Variants in NTRK3 observed in about 807,000 individuals in gnomAD.
NTRK3 encodes NT-3 growth factor receptor.
In NTRK3, 24 loss-of-function variants were observed where a neutral mutation model predicts 91.7. The observed-to-expected ratio is 0.26, with a 90% CI of 0.19 to 0.37. The LOEUF (loss-of-function observed/expected upper bound fraction) is 0.37, where lower values mean the gene tolerates loss of function less well. Ranked by LOEUF, NTRK3 falls within the 10% of genes least tolerant of loss-of-function variation. The pLI, the probability that NTRK3 is intolerant of heterozygous loss-of-function variation, is 1.00. For missense variants in NTRK3, 880 were observed against 1,068.9 expected (o/e 0.82, Z 2.46); for synonymous variants, 483 against 404.0 (o/e 1.20, Z -2.34).
At chr15:88,110,679 G>A (rs1334651110) in intron 13 of NTRK3, among the ~76,000 whole-genome samples, 7 of 152,192 alleles carry the variant, frequency 4.6e-5, no homozygotes, top group African/African-American at 1.7e-4. Flanking sequence ...TGCTACAGAG[G>A]GAAGGTGCAT....
At chr15:87,952,598 A>G (rs1441354022) in intron 14 of NTRK3, among the ~76,000 whole-genome samples, 1 of 152,166 alleles carries the variant, frequency 6.6e-6, no homozygotes, top group Non-Finnish European at 1.5e-5. Context: ...ACACAAAGTT[A>G]TCTTGGCCGC....
At chr15:88,023,289 TA>T (rs2077742505) in intron 14 of NTRK3, among the ~76,000 whole-genome samples, 1 of 152,196 alleles carries the variant, frequency 6.6e-6, no homozygotes, top group South Asian at 2.1e-4. Context: ...AAAGAAAGAA[TA>T]CTAGTAATGT....
intron 17 of NTRK3, among the ~76,000 whole-genome samples, chr15:87,914,849 A>C (rs945504687): frequency 6.6e-6 from 1 of 152,236 alleles, no homozygotes; most frequent in African/African-American, 2.4e-5. Context: ...GATGATTGGC[A>C]GAGTTGGAGA....
At chr15:88,010,585 T>C (rs2076808409) in intron 14 of NTRK3, among the ~76,000 whole-genome samples, 1 of 152,242 alleles carries the variant, frequency 6.6e-6, no homozygotes, top group Admixed American at 6.5e-5. Flanking sequence ...GATATTTATA[T>C]ATTACTAACA....
intron 13 of NTRK3, among the ~76,000 whole-genome samples, chr15:88,060,474 G>T (rs1049309784): frequency 2.0e-5 from 3 of 152,062 alleles, no homozygotes; most frequent in African/African-American, 7.2e-5. Context: ...AAAGTCCCCA[G>T]GGAAACAGGA....
At chr15:87,931,363 G>T in intron 16 of NTRK3, 1 of 358,806 alleles carries the variant, frequency 2.8e-6, no homozygotes. Context: ...AAGCTACCAT[G>T]GTTCACAATT....
At chr15:88,123,223 G>A (rs561532187) in intron 13 of NTRK3, among the ~76,000 whole-genome samples, 329 of 152,270 alleles carry the variant, frequency 2.2e-3, no homozygotes, top group Non-Finnish European at 4.0e-3. Context: ...ACCCAGTGAG[G>A]GAGGTAGTAT....
intron 17 of NTRK3, among the ~76,000 whole-genome samples, chr15:87,886,877 T>C (rs1288168750): frequency 6.6e-6 from 1 of 151,250 alleles, no homozygotes; most frequent in Non-Finnish European, 1.5e-5. Context: ...TTAAGTTCTA[T>C]TTATCAAAAA....
intron 13 of NTRK3, among the ~76,000 whole-genome samples, chr15:88,067,492 G>C (rs188902869): frequency 1.3e-5 from 2 of 152,258 alleles, no homozygotes; most frequent in African/African-American, 4.8e-5. Context: ...AGGGGGATGG[G>C]TTTTGCCTGC....
At chr15:88,165,985 G>T (rs2044901933) in intron 5 of NTRK3, among the ~76,000 whole-genome samples, 1 of 152,098 alleles carries the variant, frequency 6.6e-6, no homozygotes, top group African/African-American at 2.4e-5. Flanking sequence ...TCATCCTAGG[G>T]GACAAACCCA....
chr15:88,006,092 T>A (rs545425331), intron 14 of NTRK3, among the ~76,000 whole-genome samples: 4 of 152,284 alleles, frequency 2.6e-5, no homozygotes, highest in Admixed American at 1.3e-4. Flanking sequence ...TCTGTAGCTG[T>A]CAAAATAGCC....
chr15:88,094,088 T>C (rs2049312061), intron 13 of NTRK3, among the ~76,000 whole-genome samples: 2 of 152,142 alleles, frequency 1.3e-5, no homozygotes, highest in Non-Finnish European at 2.9e-5. Flanking sequence ...GTGTGGCTCC[T>C]TGGCAAGTCT....
rs563037501 is a variant in NTRK3, at chr15:88,088,809, T to C, written c.1396+37462A>G. ...CCCTATAGCTGGGAATGGTTAAGAA[T>C]GAAGGTATTACACAGGGCTCATTCC... On this transcript the variant is annotated intron_variant, in intron 13 of 18. Coordinates refer to ENST00000394480, the Ensembl canonical transcript of NTRK3. 9.9e-5 allele frequency among the ~76,000 whole-genome samples: 15 copies of C among 152,248 alleles called. No homozygotes were observed. In the East Asian group the frequency reaches 1.9e-3, roughly 20 times the overall value.
intron 17 of NTRK3, 57 bp from the exon 19 acceptor site, chr15:87,880,485 A>G (rs2065180060): frequency 1.3e-6 from 2 of 1,572,046 alleles, no homozygotes; most frequent in South Asian, 2.3e-5. Flanking sequence ...AATGAGTGTT[A>G]TCTGTCTGCA....
At chr15:88,127,867 T>C (rs1597464836) in intron 11 of NTRK3, among the ~76,000 whole-genome samples, 1 of 152,102 alleles carries the variant, frequency 6.6e-6, no homozygotes, top group East Asian at 1.9e-4. Context: ...AAGCTAAGTA[T>C]CAATTTTCCC....
At chr15:88,058,498 C>G (rs539911436) in intron 13 of NTRK3, among the ~76,000 whole-genome samples, 4 of 152,294 alleles carry the variant, frequency 2.6e-5, no homozygotes, top group Admixed American at 2.6e-4. Context: ...AGGGGAAGTT[C>G]TGTCTGTGGG....
At chr15:87,951,145 C>A (rs2141112352) in intron 14 of NTRK3, among the ~76,000 whole-genome samples, 1 of 152,264 alleles carries the variant, frequency 6.6e-6, no homozygotes, top group Admixed American at 6.5e-5. Context: ...ATCTGGGGTA[C>A]CCGTCCCCAC....
At chr15:87,982,451 C>T (rs1404165709) in intron 14 of NTRK3, among the ~76,000 whole-genome samples, 1 of 151,850 alleles carries the variant, frequency 6.6e-6, no homozygotes, top group Non-Finnish European at 1.5e-5. Flanking sequence ...ACAGACCCCG[C>T]TACATCTGAC....
chr15:88,134,188 T>G (rs1005648126), intron 10 of NTRK3, among the ~76,000 whole-genome samples: 1 of 152,154 alleles, frequency 6.6e-6, no homozygotes, highest in Non-Finnish European at 1.5e-5. Flanking sequence ...CCTAGTCACT[T>G]CCCAAAATGA....
Sources: gnomAD v4.1 joint callset for allele counts (sites outside exome capture counted in the v4.1 genomes callset) on GRCh38, gnomAD v4.1.1 for gene constraint, MANE v1.5 for transcripts, NCBI Gene and HGNC (gene_info 2026-07-23, HGNC 2026-07-21) for gene names.